OTOGL: variants seen among roughly 807,000 people sequenced by gnomAD.
The protein encoded by OTOGL is otogelin like, also known as otogelin-like protein.
OTOGL carries 285 observed loss-of-function variants against 318.5 expected under a neutral mutation model. The ratio of observed to expected loss-of-function variants is 0.89; its 90% CI spans 0.81 to 0.99. The LOEUF (loss-of-function observed/expected upper bound fraction) is 0.99. Among genes scored for constraint, OTOGL ranks in the 50% least tolerant of loss-of-function variants. The probability of loss-of-function intolerance (pLI) is 0.00; values close to 1 mark genes in which losing one functional copy is unlikely to be tolerated. For synonymous variants in OTOGL, 987 were observed against 936.5 expected, an observed-to-expected ratio of 1.05 and a Z score of -0.99; for missense variants, 2,899 against 2,845.6, an observed-to-expected ratio of 1.02 and a Z score of -0.43.
chr12:80,293,742 A>T lies in OTOGL; in HGVS notation c.2929-3085A>T, dbSNP rs572299012. 8.6e-5 allele frequency among the ~76,000 whole-genome samples: 13 copies of T among 151,928 alleles called. No individual in the cohort carries two copies. In the South Asian group the frequency reaches 2.3e-3, roughly 27 times the overall value. On this transcript the variant is annotated intron_variant, in intron 26 of 58. Coordinates refer to ENST00000547103, the MANE Select transcript of OTOGL (RefSeq NM_001378609.3). The stretch of plus-strand genomic sequence containing the variant: ...CCCTCAGATCTTCCTGCAAAACATT[A>T]AAAAAAATCAGTATTTTCTGGTTCA...
chr12:80,373,563 A>G (rs1891011724), intron 57 of OTOGL, among the ~76,000 whole-genome samples: 1 of 152,116 alleles, frequency 6.6e-6, no homozygotes. Flanking sequence ...AATCCCATAA[A>G]TATGTAAGAG....
In OTOGL at chr12:80,257,971, A is replaced by T; in HGVS notation, c.1858A>T (p.Thr620Ser). ...AAGAAGAACATTAGGTCTGTGTGGC[A>T]CTTTTAATGGCAACATAAGGGATGA... ...WKRRTLGLCG[T>S]FNGNIRDDFL... Residue 620 changes from threonine to serine, a missense_variant, in exon 18 of 59, where the codon ACT becomes TCT. Thr to Ser is a moderately conservative substitution (Grantham distance 58, BLOSUM62 1). This residue lies in a region of OTOGL where 2,607 missense variants were observed against 2,524.9 expected (regional missense o/e 1.03). Coordinates refer to ENST00000547103, the MANE Select transcript of OTOGL (RefSeq NM_001378609.3). 6.3e-7 allele frequency: 1 copy of T among 1,593,372 alleles called. No homozygotes were observed. The highest frequency in any genetic ancestry group is 8.5e-7 in the Non-Finnish European group (1 of 1,177,976).
intron 7 of OTOGL, among the ~76,000 whole-genome samples, chr12:80,228,320 T>A (rs547423274): frequency 6.6e-6 from 1 of 152,170 alleles, no homozygotes; most frequent in South Asian, 2.1e-4. Flanking sequence ...TACACGCCTA[T>A]AGCCCCAGCT....
chr12:80,274,644 T>C (rs1322624599), intron 24 of OTOGL, among the ~76,000 whole-genome samples: 3 of 152,066 alleles, frequency 2.0e-5, no homozygotes, highest in African/African-American at 7.2e-5. Flanking sequence ...CAGATTTATA[T>C]AGGAATAAAG....
In OTOGL at chr12:80,355,162, T is replaced by G. The variant is rs150738995; in HGVS notation, c.5594-574T>G. Among the ~76,000 whole-genome samples the G allele has an allele frequency of 9.2e-5, 14 of 151,894 alleles. No individual in the cohort carries two copies. The East Asian group carries it at 2.7e-3, about 29-fold the overall frequency. On this transcript the variant is annotated intron_variant, in intron 46 of 58. Transcript: ENST00000547103. ...CATTTATAGAAGAAGACATACAGAT[T>G]TACAGATGGTTGTAAAAGGAAAGAA...
At chr12:80,117,967 A>G (rs2137092683) in intron 1 of OTOGL, among the ~76,000 whole-genome samples, 1 of 152,290 alleles carries the variant, frequency 6.6e-6, no homozygotes, top group South Asian at 2.1e-4. Flanking sequence ...GCACATCTTT[A>G]AAACTATCTC....
At chr12:80,121,498 C>T (rs576375827) in intron 1 of OTOGL, among the ~76,000 whole-genome samples, 7 of 152,064 alleles carry the variant, frequency 4.6e-5, no homozygotes, top group Admixed American at 4.6e-4. Flanking sequence ...GTCTCTAATC[C>T]CTCCCTAGAG....
At chr12:80,179,236 T>A (rs908115845) in intron 1 of OTOGL, among the ~76,000 whole-genome samples, 4 of 152,108 alleles carry the variant, frequency 2.6e-5, no homozygotes, top group Non-Finnish European at 5.9e-5. Flanking sequence ...GAAGGGCAAA[T>A]GGTGACACTT....
intron 1 of OTOGL, among the ~76,000 whole-genome samples, chr12:80,122,386 A>G (rs1257168814): frequency 1.3e-5 from 2 of 152,196 alleles, no homozygotes; most frequent in Non-Finnish European, 2.9e-5. Context: ...TTTTCATTTA[A>G]CTGTGCTATG....
At chr12:80,268,596 G>A (rs1377105734) in intron 22 of OTOGL, among the ~76,000 whole-genome samples, 1 of 152,100 alleles carries the variant, frequency 6.6e-6, no homozygotes, top group East Asian at 1.9e-4. Context: ...GTGGTACGCA[G>A]TACTATTATT....
At position 80,366,561 on chromosome 12, in the gene OTOGL, A is replaced by G; in HGVS notation, c.6268-13A>G. 9.2e-7 allele frequency: 1 copy of G among 1,085,006 alleles called. No individual in the cohort carries two copies. Among genetic ancestry groups the G allele is most frequent in the Non-Finnish European group, 1.2e-6 (1 of 817,356 alleles). The allele number at this position is 1,085,006 out of a possible 1,614,324, so 67.2% of individuals were successfully genotyped here. On this transcript the variant is annotated splice_polypyrimidine_tract_variant and intron_variant, in intron 52 of 58. Transcript: ENST00000547103. ...AAGCTAAATGATAAGTAATAGTAGT[A>G]TATTTTCAATAGGGAGAATTTACTG...
At chr12:80,319,762 T>C (rs1184646201) in intron 33 of OTOGL, among the ~76,000 whole-genome samples, 4 of 152,212 alleles carry the variant, frequency 2.6e-5, no homozygotes, top group African/African-American at 9.6e-5. Context: ...TTTTATTTCA[T>C]GAGTTTTACA....
At chr12:80,147,994 C>T (rs1298045087) in intron 1 of OTOGL, among the ~76,000 whole-genome samples, 1 of 152,124 alleles carries the variant, frequency 6.6e-6, no homozygotes, top group Admixed American at 6.5e-5. Flanking sequence ...ACTGATGGGT[C>T]TTGACTCTTT....
intron 1 of OTOGL, among the ~76,000 whole-genome samples, chr12:80,112,705 C>CTTTTTTTTTTTTTTTTT (rs546093754): frequency 5.4e-5 from 7 of 128,648 alleles, no homozygotes; most frequent in Non-Finnish European, 1.6e-5. Context: ...CTGAAATTTT[C>CTTTTTTTTTTTTTTTTT]TTTCTTTTTT....
At chr12:80,132,327 T>C (rs1315685208) in intron 1 of OTOGL, 2 of 152,248 alleles carry the variant, frequency 1.3e-5, no homozygotes, top group Non-Finnish European at 2.9e-5. Context: ...TGTAGTCTTA[T>C]AGGCTACTCT....
intron 52 of OTOGL, among the ~76,000 whole-genome samples, chr12:80,364,249 C>G (rs1890398713): frequency 6.6e-6 from 1 of 152,088 alleles, no homozygotes; most frequent in Non-Finnish European, 1.5e-5. Flanking sequence ...ATTTATCTGA[C>G]TCATTGTTCC....
chr12:80,279,715 T>C lies in OTOGL; in HGVS notation c.2928+549T>C, dbSNP rs564598744. On this transcript the variant is annotated intron_variant, in intron 26 of 58. Coordinates refer to ENST00000547103, the MANE Select transcript of OTOGL (RefSeq NM_001378609.3). ...TTGATGGGCATTTAGGTTGATTCCATGTCTTTGCTATTGTGAGTAGTGCTG... is the reference window on the plus strand; with the variant it reads ...TTGATGGGCATTTAGGTTGATTCCACGTCTTTGCTATTGTGAGTAGTGCTG... 2.0e-5 allele frequency among the ~76,000 whole-genome samples: 3 copies of C among 151,892 alleles called. 1 individual carries two copies. The highest frequency in any genetic ancestry group is 7.2e-5 in the African/African-American group (3 of 41,510).
chr12:80,159,493 C>T (rs895297773), intron 1 of OTOGL, among the ~76,000 whole-genome samples: 2 of 151,790 alleles, frequency 1.3e-5, no homozygotes, highest in Non-Finnish European at 2.9e-5. Flanking sequence ...TTTTTTATTA[C>T]CATTTCAATC....
At position 80,372,144 on chromosome 12, in the gene OTOGL, A is replaced by G; in HGVS notation, c.6781+80A>G. The G allele has an allele frequency of 3.9e-6, 4 of 1,027,880 alleles. No homozygotes were observed. In the South Asian group the frequency reaches 7.3e-5, roughly 19 times the overall value. The allele number at this position is 1,027,880 out of a possible 1,614,324, so 63.7% of individuals were successfully genotyped here. On this transcript the variant is annotated intron_variant, in intron 57 of 58. Coordinates refer to ENST00000547103, the MANE Select transcript of OTOGL (RefSeq NM_001378609.3). ...TAGTGATTATGGTTTTTCTCACAAA[A>G]TTCAATTCCTATGATGCAAAGAGAG...
Sources: allele counts gnomAD v4.1 joint callset (sites outside exome capture counted in the v4.1 genomes callset), GRCh38; gene constraint gnomAD v4.1.1; regional missense constraint gnomAD v4.1.1; transcripts MANE v1.5; gene names NCBI Gene and HGNC (gene_info 2026-07-23, HGNC 2026-07-21).